Variants in DNAJC6 observed in about 807,000 individuals in gnomAD.
The protein encoded by DNAJC6 is auxilin.
Under a neutral mutation model 110.0 loss-of-function variants are expected in DNAJC6, and 34 were observed. The ratio of observed to expected loss-of-function variants is 0.31; its 90% CI spans 0.24 to 0.41. The LOEUF is 0.41. Ranked by LOEUF, DNAJC6 falls within the 10% of genes least tolerant of loss-of-function variation. The probability of loss-of-function intolerance (pLI) is 1.00; values close to 1 mark genes in which losing one functional copy is unlikely to be tolerated. For synonymous variants in DNAJC6, 406 were observed against 437.2 expected (o/e 0.93, Z 0.89); for missense variants, 1,031 against 1,207.8 (o/e 0.85, Z 2.17).
Position 65,277,772 on chromosome 1 carries a change from A to G in DNAJC6, c.-131+12840A>G, listed in dbSNP as rs551112904. ...GGTAAGGTGGCCAGAGTCTTGAGAT[A>G]CTCTCCAAGTGGGAGTGAGTTTCAT... is the stretch of plus-strand genomic sequence containing the variant. On this transcript the variant is annotated intron_variant, in intron 1 of 19. Coordinates refer to the DNAJC6 transcript ENST00000263441. 7.2e-5 allele frequency among the ~76,000 whole-genome samples: 11 copies of G among 152,030 alleles called. No homozygotes were observed. In the South Asian group the frequency reaches 2.1e-3, roughly 29 times the overall value.
At chr1:65,323,753 C>T (rs1645216713) in intron 1 of DNAJC6, among the ~76,000 whole-genome samples, 1 of 152,044 alleles carries the variant, frequency 6.6e-6, no homozygotes, top group Non-Finnish European at 1.5e-5. Flanking sequence ...CGACACCATG[C>T]CCAGCTAATT....
At chr1:65,391,218 T>A (rs1343250089) in intron 11 of DNAJC6, among the ~76,000 whole-genome samples, 7 of 152,206 alleles carry the variant, frequency 4.6e-5, no homozygotes, top group Admixed American at 4.6e-4. Flanking sequence ...ACTATAAGTA[T>A]CTTCATATTC....
intron 4 of DNAJC6, among the ~76,000 whole-genome samples, chr1:65,367,203 T>G (rs921142123): frequency 1.3e-5 from 2 of 152,184 alleles, no homozygotes; most frequent in African/African-American, 4.8e-5. Context: ...AAACACAGAC[T>G]TCTGATTCAG....
intron 1 of DNAJC6, among the ~76,000 whole-genome samples, chr1:65,265,730 G>T (rs1006293570): frequency 1.3e-5 from 2 of 152,154 alleles, no homozygotes; most frequent in African/African-American, 2.4e-5. Context: ...CTAGGTCTCC[G>T]GAGGCTACAC....
At chr1:65,397,463 T>C (rs1307326569) in intron 13 of DNAJC6, among the ~76,000 whole-genome samples, 1 of 152,188 alleles carries the variant, frequency 6.6e-6, no homozygotes, top group Non-Finnish European at 1.5e-5. Flanking sequence ...GACTAAAATA[T>C]TAGGTAATTA....
intron 1 of DNAJC6, among the ~76,000 whole-genome samples, chr1:65,344,193 A>T (rs530257293): frequency 2.9e-4 from 44 of 152,326 alleles, no homozygotes; most frequent in African/African-American, 1.1e-3. Flanking sequence ...GCAGAAGGAA[A>T]GTCACACAGC....
chr1:65,335,392 G>A (rs1185150104), intron 1 of DNAJC6, among the ~76,000 whole-genome samples: 1 of 151,924 alleles, frequency 6.6e-6, no homozygotes, highest in Non-Finnish European at 1.5e-5. Flanking sequence ...GCGATTACAG[G>A]CATGAGCCAC....
intron 1 of DNAJC6, among the ~76,000 whole-genome samples, chr1:65,324,233 A>C (rs1462806879): frequency 7.2e-5 from 11 of 151,754 alleles, no homozygotes; most frequent in South Asian, 4.2e-4. Context: ...AGGAGTGCAA[A>C]TAGCACGATC....
intron 1 of DNAJC6, among the ~76,000 whole-genome samples, chr1:65,339,178 G>T (rs1645365632): frequency 6.6e-6 from 1 of 151,978 alleles, no homozygotes; most frequent in Non-Finnish European, 1.5e-5. Context: ...TGTAATGTTG[G>T]GTTCTTAAGA....
chr1:65,338,603 A>AAC (rs1473406857), intron 1 of DNAJC6, among the ~76,000 whole-genome samples: 71 of 152,206 alleles, frequency 4.7e-4, no homozygotes, highest in Admixed American at 4.6e-3. Flanking sequence ...TATTCAAAGA[A>AAC]ACAGCTTCTG....
At chr1:65,387,235 G>A (rs1222243872) in intron 8 of DNAJC6, among the ~76,000 whole-genome samples, 1 of 152,170 alleles carries the variant, frequency 6.6e-6, no homozygotes, top group Non-Finnish European at 1.5e-5. Context: ...TTGGATCAGT[G>A]TAAGGGAAGA....
intron 1 of DNAJC6, among the ~76,000 whole-genome samples, chr1:65,300,057 A>G (rs868556890): frequency 3.5e-5 from 4 of 115,456 alleles, no homozygotes; most frequent in South Asian, 2.6e-4. Flanking sequence ...AAAAAAAAAA[A>G]AAAAAAGAAA....
intron 1 of DNAJC6, among the ~76,000 whole-genome samples, chr1:65,323,524 T>G (rs1288034305): frequency 6.6e-6 from 1 of 152,200 alleles, no homozygotes; most frequent in African/African-American, 2.4e-5. Context: ...CTTCTTTTCT[T>G]CATAAATTAC....
At chr1:65,395,787 A>G (rs1283289738) in intron 13 of DNAJC6, among the ~76,000 whole-genome samples, 3 of 152,238 alleles carry the variant, frequency 2.0e-5, no homozygotes, top group Non-Finnish European at 4.4e-5. Context: ...TTTCTATGTT[A>G]GAGACTTAGG....
At chr1:65,388,453 A>ATT in intron 9 of DNAJC6, 38 bp downstream of exon 9, 1 of 1,589,858 alleles carries the variant, frequency 6.3e-7, no homozygotes, top group South Asian at 1.1e-5. Context: ...TTTGAATCAA[A>ATT]TTAGCTGTGA....
At chr1:65,385,951 C>A in intron 7 of DNAJC6, 45 bp downstream of exon 7, 1 of 1,469,440 alleles carries the variant, frequency 6.8e-7, no homozygotes, top group South Asian at 1.4e-5. Context: ...TCTCAATTCT[C>A]ATGTAAATGA....
rs151028684 is a variant in DNAJC6 at position 65,414,860 on chromosome 1, T to C, written c.*1835T>C. 4.0e-4 allele frequency: 61 copies of C among 152,796 alleles called. No homozygotes were observed. Among genetic ancestry groups the C allele is most frequent in the Non-Finnish European group, 7.5e-4 (51 of 68,032 alleles). 9.5% of individuals were successfully genotyped at this position (152,796 alleles called of 1,614,324 possible). A position where few individuals can be genotyped will look rare whatever the true frequency, so the allele number is the denominator to read the frequency against. ...TGTAGATATTGTGTGAACTACAGTA[T>C]ATAATGATAACAATTAAAAGGATAT... On this transcript the variant is annotated 3_prime_UTR_variant, in exon 19 of 19. Coordinates refer to ENST00000371069, the MANE Select transcript of DNAJC6 (RefSeq NM_001256864.2).
At chr1:65,392,983 T>C in intron 12 of DNAJC6, 118 bp downstream of exon 12, 3 of 938,204 alleles carry the variant, frequency 3.2e-6, no homozygotes, top group Non-Finnish European at 4.4e-6. Flanking sequence ...GTAAGTCCTT[T>C]AGAGGAGGTC....
chr1:65,344,726 C>T (rs891541824), intron 1 of DNAJC6, among the ~76,000 whole-genome samples: 14 of 152,038 alleles, frequency 9.2e-5, no homozygotes, highest in African/African-American at 3.4e-4. Flanking sequence ...CAGCGAAATC[C>T]AGCCAATCTT....
Sources: allele counts gnomAD v4.1 joint callset (sites outside exome capture counted in the v4.1 genomes callset), GRCh38; gene constraint gnomAD v4.1.1; transcripts MANE v1.5; gene names NCBI Gene and HGNC (gene_info 2026-07-23, HGNC 2026-07-21).